The following TRPS1 variants were observed in gnomAD, a reference collection of about 807,000 sequenced individuals.
TRPS1 encodes the protein zinc finger transcription factor Trps1.
In TRPS1, 6 loss-of-function variants were observed where a neutral mutation model predicts 101.2. That is an observed-to-expected ratio of 0.06 (90% confidence interval 0.03 to 0.12). The LOEUF (loss-of-function observed/expected upper bound fraction) is 0.12. Ranked by LOEUF, TRPS1 falls within the 10% of genes least tolerant of loss-of-function variation. TRPS1 has a pLI of 1.00. For missense variants in TRPS1, 1,363 were observed against 1,567.0 expected (o/e 0.87, Z 2.20); for synonymous variants, 578 against 589.8 (o/e 0.98, Z 0.29).
chr8:115,455,908 C>T (rs867210866), intron 5 of TRPS1, among the ~76,000 whole-genome samples: 9 of 151,544 alleles, frequency 5.9e-5, no homozygotes, highest in Non-Finnish European at 1.2e-4. Flanking sequence ...CCTCAGCCTC[C>T]CAAGTAGCTG....
At chr8:115,533,450 T>TTTTTG (rs1816197595) in intron 5 of TRPS1, among the ~76,000 whole-genome samples, 1 of 129,990 alleles carries the variant, frequency 7.7e-6, no homozygotes, top group African/African-American at 3.3e-5. Context: ...TTTTTTTTTT[T>TTTTTG]TTTTTTTTTC....
At chr8:115,526,688 A>C (rs564750412) in intron 5 of TRPS1, among the ~76,000 whole-genome samples, 12 of 152,188 alleles carry the variant, frequency 7.9e-5, no homozygotes, top group Non-Finnish European at 1.8e-4. Flanking sequence ...CTAAAGACAA[A>C]ACATTAGTTC....
rs1289114542 is a variant in TRPS1, at chr8:115,408,649, A to T, written c.*5374T>A. The stretch of plus-strand genomic sequence containing the variant: ...AAACAAAATAAAATAAAACGAAAAA[A>T]TTTCATGTGTTGTAAGAACAGAACT... On this transcript the variant is annotated 3_prime_UTR_variant, in exon 7 of 7. Transcript: ENST00000395715. 1 of 151,786 alleles carries T rather than the reference A, an allele frequency of 6.6e-6. No homozygotes were observed. The highest frequency in any genetic ancestry group is 2.0e-4 in the East Asian group (1 of 5,112). The allele number at this position is 151,786 out of a possible 1,614,324, so 9.4% of individuals were successfully genotyped here.
rs1325471276 is a variant in TRPS1 at position 115,619,279 on chromosome 8, C to T, written c.819G>A (p.Leu273=). The change falls in exon 3 of 7, where the codon CTG becomes CTA. Residue 273 remains leucine, a synonymous_variant. Coordinates refer to ENST00000395715, the MANE Select transcript of TRPS1 (RefSeq NM_014112.5). ...LHNRTRQDAE[L]DSKILALHNM... Reference sequence around the variant, plus strand: ...TATGAAGGGCCAAGATTTTGCTGTCCAGCTCAGCATCTTGCCTGGTGCGGT... The same window carrying T: ...TATGAAGGGCCAAGATTTTGCTGTCTAGCTCAGCATCTTGCCTGGTGCGGT... 1.2e-6 allele frequency: 2 copies of T among 1,613,972 alleles called. No homozygotes were observed. Among genetic ancestry groups the T allele is most frequent in the Admixed American group, 1.7e-5 (1 of 60,010 alleles).
chr8:115,534,776 C>G (rs1179803527), intron 5 of TRPS1, among the ~76,000 whole-genome samples: 1 of 152,084 alleles, frequency 6.6e-6, no homozygotes, highest in Non-Finnish European at 1.5e-5. Flanking sequence ...ATTCAAGCAG[C>G]AGCAGAATGT....
intron 5 of TRPS1, among the ~76,000 whole-genome samples, chr8:115,533,914 C>T (rs1816213858): frequency 6.6e-6 from 1 of 152,074 alleles, no homozygotes; most frequent in Non-Finnish European, 1.5e-5. Flanking sequence ...GCCTACTAAT[C>T]CCCATCAGAC....
rs1451109129 is a variant in TRPS1, at chr8:115,619,246, C to T, written c.852G>A (p.Val284=). ...DSKILALHNM[V]QFSHSKDFQK... is the part of the protein sequence containing the mutation. Reference sequence around the variant, plus strand: ...GGAAGTCTTTGGAATGGCTGAACTGCACCATGTTATGAAGGGCCAAGATTT... The same window carrying T: ...GGAAGTCTTTGGAATGGCTGAACTGTACCATGTTATGAAGGGCCAAGATTT... Residue 284 remains valine (V), a synonymous_variant, in exon 3 of 7, where the codon GTG becomes GTA. Transcript: ENST00000395715. 6.2e-7 allele frequency: 1 copy of T among 1,613,888 alleles called. No homozygotes were observed. Among genetic ancestry groups the T allele is most frequent in the African/African-American group, 1.3e-5 (1 of 74,908 alleles).
chr8:115,610,648 A>C (rs1417627926), intron 3 of TRPS1, among the ~76,000 whole-genome samples: 1 of 152,216 alleles, frequency 6.6e-6, no homozygotes, highest in Admixed American at 6.5e-5. Flanking sequence ...GGGCACATTG[A>C]AGAAGAAAAT....
In TRPS1 at chr8:115,652,175, G is replaced by A. The variant is rs148561486; in HGVS notation, c.-122+16370C>T. On this transcript the variant is annotated intron_variant, in intron 1 of 6. Transcript: ENST00000395715. ...GCCAGAAGAGATACCCAAGAGAATG[G>A]CTGACAGCATCCAATTCACGTGAGA... is the stretch of plus-strand genomic sequence containing the variant. Among the ~76,000 whole-genome samples, 393 of 152,266 alleles carry A rather than the reference G, an allele frequency of 2.6e-3. 3 individuals carry two copies. Among genetic ancestry groups the A allele is most frequent in the African/African-American group, 8.9e-3 (368 of 41,540 alleles).
chr8:115,646,307 T>A (rs1050390864), intron 1 of TRPS1, among the ~76,000 whole-genome samples: 7 of 152,174 alleles, frequency 4.6e-5, no homozygotes, highest in African/African-American at 1.7e-4. Flanking sequence ...AGACTGGTTT[T>A]ATTCCAACAG....
chr8:115,486,034 T>C (rs1017649573), intron 5 of TRPS1, among the ~76,000 whole-genome samples: 6 of 152,254 alleles, frequency 3.9e-5, no homozygotes, highest in Non-Finnish European at 8.8e-5. Flanking sequence ...GCTTCACAAA[T>C]ACTGCATTTT....
intron 5 of TRPS1, among the ~76,000 whole-genome samples, chr8:115,446,903 A>G (rs1375157835): frequency 1.3e-5 from 2 of 152,048 alleles, no homozygotes; most frequent in Admixed American, 6.6e-5. Context: ...TAATATGATG[A>G]TATTTGGGAT....
At chr8:115,638,754 C>G (rs2130580226) in intron 1 of TRPS1, among the ~76,000 whole-genome samples, 1 of 152,282 alleles carries the variant, frequency 6.6e-6, no homozygotes, top group Non-Finnish European at 1.5e-5. Context: ...TTTGAGCTTA[C>G]TCACATCTTT....
At chr8:115,503,931 T>C (rs1389218634) in intron 5 of TRPS1, among the ~76,000 whole-genome samples, 1 of 152,242 alleles carries the variant, frequency 6.6e-6, no homozygotes, top group Non-Finnish European at 1.5e-5. Flanking sequence ...ACTCTTATTA[T>C]TATAGACAAT....
chr8:115,438,509 C>T (rs1813512634), intron 5 of TRPS1, among the ~76,000 whole-genome samples: 1 of 152,182 alleles, frequency 6.6e-6, no homozygotes, highest in Non-Finnish European at 1.5e-5. Flanking sequence ...CATAGAATGC[C>T]TCTACCTCTG....
At position 115,540,051 on chromosome 8, in the gene TRPS1, C is replaced by A. The variant is rs190602639; in HGVS notation, c.2700+46950G>T. ...TCAAACTTCACACACCACCTCTTGA[C>A]CGCAATGTCTCTTCTATCCCACATT... is the stretch of plus-strand genomic sequence containing the variant. On this transcript the variant is annotated intron_variant, in intron 5 of 6. Transcript: ENST00000395715. 5.5e-4 allele frequency among the ~76,000 whole-genome samples: 84 copies of A among 152,312 alleles called. 1 individual carries two copies. The highest frequency in any genetic ancestry group is 1.8e-3 in the African/African-American group (73 of 41,578).
chr8:115,518,010 C>T, intron 5 of TRPS1, among the ~76,000 whole-genome samples: 1 of 24,494 alleles, frequency 4.1e-5, no homozygotes, highest in East Asian at 1.2e-3. Flanking sequence ...GGAAAGGCTT[C>T]CAAACATCCA....
intron 5 of TRPS1, chr8:115,492,191 A>C: frequency 2.2e-6 from 1 of 456,214 alleles, no homozygotes; most frequent in Non-Finnish European, 4.4e-6. Context: ...TACTGACCTT[A>C]GGCAGAATCA....
chr8:115,492,480 TGC>T lies in TRPS1; in HGVS notation c.2701-74030_2701-74029del, dbSNP rs747512491. ...CACTGTGTGTGTGTGTGTGTGTGTG[TGC>T]GTGCGTGTGCGTGTTCGTGTGTGTG... is the stretch of plus-strand genomic sequence containing the variant. On this transcript the variant is annotated intron_variant, in intron 5 of 6. Coordinates refer to ENST00000395715, the MANE Select transcript of TRPS1 (RefSeq NM_014112.5). Among the ~76,000 whole-genome samples, 377 of 116,082 alleles carry T rather than the reference TGC, an allele frequency of 3.2e-3. 2 individuals are homozygous for T. The highest frequency in any genetic ancestry group is 4.5e-3 in the Middle Eastern group (1 of 220). The allele number at this position is 116,082 out of a possible 152,430, so 76.2% of individuals were successfully genotyped here. A position where few individuals can be genotyped will look rare whatever the true frequency, so the allele number is the denominator to read the frequency against.
Sources: allele counts gnomAD v4.1 joint callset (sites outside exome capture counted in the v4.1 genomes callset), GRCh38; gene constraint gnomAD v4.1.1; transcripts MANE v1.5; gene names NCBI Gene and HGNC (gene_info 2026-07-23, HGNC 2026-07-21).